Variants in BAHD1 observed in about 807,000 individuals in gnomAD.
The protein encoded by BAHD1 is bromo adjacent homology domain-containing 1 protein.
BAHD1 carries 20 observed loss-of-function variants against 63.1 expected under a neutral mutation model. The ratio of observed to expected loss-of-function variants is 0.32; its 90% confidence interval spans 0.22 to 0.46. The LOEUF (loss-of-function observed/expected upper bound fraction) is 0.46, where lower values mean the gene tolerates loss of function less well. BAHD1 is among the 20% of genes least tolerant of loss of function. The pLI, the probability that BAHD1 is intolerant of heterozygous loss-of-function variation, is 1.00. For synonymous variants in BAHD1, 408 were observed against 426.8 expected, an observed-to-expected ratio of 0.96 and a Z score of 0.54; for missense variants, 939 against 1,071.8, an observed-to-expected ratio of 0.88 and a Z score of 1.73.
chr15:40,465,444 T>G lies in BAHD1; in HGVS notation c.2153+9T>G. ...TTTGCCGAGTACTGCAGGTAGGTGG[T>G]TCCCTGCACCCTCTGGCTGGCCTCT... On this transcript the variant is annotated intron_variant, in intron 6 of 6. Transcript: ENST00000416165. 6.2e-7 allele frequency: 1 copy of G among 1,606,122 alleles called. No individual in the cohort carries two copies. Among genetic ancestry groups the G allele is most frequent in the Non-Finnish European group, 8.5e-7 (1 of 1,172,788 alleles).
intron 1 of BAHD1, among the ~76,000 whole-genome samples, chr15:40,443,859 C>T (rs1360313115): frequency 6.6e-6 from 1 of 152,106 alleles, no homozygotes; most frequent in African/African-American, 2.4e-5. Flanking sequence ...AGACAGTGTC[C>T]CCTCCAGCTC....
At chr15:40,464,351 G>T in intron 4 of BAHD1, 120 bp from the exon 5 acceptor site, 1 of 849,174 alleles carries the variant, frequency 1.2e-6, no homozygotes, top group Non-Finnish European at 1.9e-6. Context: ...GGGGACATGG[G>T]TTGCCGGAGC....
chr15:40,440,617 G>A (rs1471145370), upstream of BAHD1, among the ~76,000 whole-genome samples: 1 of 152,046 alleles, frequency 6.6e-6, no homozygotes, highest in Non-Finnish European at 1.5e-5. Flanking sequence ...GTCACCGTGG[G>A]ATACGGGCTC....
intron 1 of BAHD1, among the ~76,000 whole-genome samples, chr15:40,457,781 G>A (rs1029043612): frequency 6.6e-6 from 1 of 152,186 alleles, no homozygotes; most frequent in Non-Finnish European, 1.5e-5. Flanking sequence ...AGGCCGAGGC[G>A]GGCAGATCAC....
In BAHD1 at chr15:40,459,703, G is replaced by C; in HGVS notation, c.1239G>C (p.Glu413Asp). The C allele has an allele frequency of 6.2e-7, 1 of 1,614,018 alleles. No homozygotes were observed. Among genetic ancestry groups the C allele is most frequent in the South Asian group, 1.1e-5 (1 of 91,074 alleles). Residue 413 changes from glutamate to aspartate, a missense_variant, in exon 2 of 7, where the codon GAG (glutamate) becomes GAC (aspartate). Around this residue, in one of 5 missense-constraint regions of BAHD1, gnomAD observed 797 missense variants for 813.3 expected, o/e 0.98. Coordinates refer to ENST00000416165, the MANE Select transcript of BAHD1 (RefSeq NM_014952.5). ...CCCCAGTGGCTGCACCTCACGAGGA[G>C]GGGCTCCTCTTAGCTCCGAGCTCAG... ...KLSPVAAPHE[E>D]GLLLAPSSVP... is the part of the protein sequence containing the mutation.
chr15:40,462,650 G>A (rs184997082), intron 3 of BAHD1, among the ~76,000 whole-genome samples: 1 of 152,234 alleles, frequency 6.6e-6, no homozygotes, highest in African/African-American at 2.4e-5. Context: ...GTCTATATAG[G>A]GGGCGTTGGA....
intron 1 of BAHD1, among the ~76,000 whole-genome samples, chr15:40,448,508 G>C (rs953042302): frequency 6.6e-6 from 1 of 152,182 alleles, no homozygotes; most frequent in African/African-American, 2.4e-5. Flanking sequence ...CCTTGGTGTA[G>C]ATGCCAGGAT....
At chr15:40,447,065 T>C (rs915336801) in intron 1 of BAHD1, among the ~76,000 whole-genome samples, 1 of 152,224 alleles carries the variant, frequency 6.6e-6, no homozygotes, top group African/African-American at 2.4e-5. Flanking sequence ...ATTACTGTTT[T>C]TTAGAGGACC....
chr15:40,461,951 C>A lies in BAHD1; in HGVS notation c.1472C>A (p.Pro491Gln), dbSNP rs763985087. The change falls in exon 3 of 7, where the codon CCG becomes CAG. Residue 491 changes from proline to glutamine, a missense_variant. By Grantham distance (76) the Pro-to-Gln change is moderately conservative. Coordinates refer to ENST00000416165, the MANE Select transcript of BAHD1 (RefSeq NM_014952.5). Reference protein sequence around the residue: ...RSLGQLEFPLPEAGHPASPAH... With the variant: ...RSLGQLEFPLQEAGHPASPAH... ...CTGGGCCAGTTGGAATTTCCTCTCC[C>A]GGAAGCTGGCCACCCAGCCTCACCC... The A allele has an allele frequency of 6.2e-7, 1 of 1,609,586 alleles. No homozygotes were observed. The highest frequency in any genetic ancestry group is 1.7e-5 in the Admixed American group (1 of 59,806).
intron 1 of BAHD1, among the ~76,000 whole-genome samples, chr15:40,448,145 G>A (rs145095957): frequency 3.4e-4 from 52 of 152,154 alleles, no homozygotes; most frequent in African/African-American, 1.3e-3. Flanking sequence ...AGGAGGCTGA[G>A]GCAGGAGAAT....
Position 40,443,603 on chromosome 15 carries a change from G to A in BAHD1, c.-15+2335G>A, listed in dbSNP as rs904584620. Among the ~76,000 whole-genome samples the A allele has an allele frequency of 7.2e-5, 11 of 152,118 alleles. No individual in the cohort carries two copies. The South Asian group carries it at 8.3e-4, about 11-fold the overall frequency. Reference sequence around the variant, plus strand: ...TCTGGTGTTAAGGAGGGTTTGCTCCGGAGAGTTTAGCCAGTGATTAGGTTC... The same window carrying A: ...TCTGGTGTTAAGGAGGGTTTGCTCCAGAGAGTTTAGCCAGTGATTAGGTTC... On this transcript the variant is annotated intron_variant, in intron 1 of 6. Transcript: ENST00000416165.
At chr15:40,441,727 C>T (rs1420322320) in intron 1 of BAHD1, among the ~76,000 whole-genome samples, 4 of 149,554 alleles carry the variant, frequency 2.7e-5, no homozygotes, top group Non-Finnish European at 6.0e-5. Context: ...CCCCGCCGCG[C>T]CCCCTCCCCC....
In BAHD1 at chr15:40,466,255, TG is replaced by T. The variant is rs199708769; in HGVS notation, c.*132del. 87 of 356,740 alleles carry T rather than the reference TG, an allele frequency of 2.4e-4. No homozygotes were observed. Among genetic ancestry groups the T allele is most frequent in the East Asian group, 8.0e-4 (11 of 13,830 alleles). The allele number at this position is 356,740 out of a possible 1,614,324, so 22.1% of individuals were successfully genotyped here. On this transcript the variant is annotated 3_prime_UTR_variant, in exon 7 of 7. Transcript: ENST00000416165. ...TAAGTTTGCTGGCCTGTGGTTTTCT[TG>T]GGGGGGAGGGCAGGGGCCCCTGTGG...
intron 1 of BAHD1, among the ~76,000 whole-genome samples, chr15:40,446,303 G>A (rs774724309): frequency 6.6e-6 from 1 of 152,212 alleles, no homozygotes; most frequent in Non-Finnish European, 1.5e-5. Flanking sequence ...AGGGCCAGAC[G>A]GCCTGACAAG....
Position 40,461,994 on chromosome 15 carries a change from G to T in BAHD1, c.1515G>T (p.Gly505=), listed in dbSNP as rs1894058501. Residue 505 remains glycine (G), a synonymous_variant, in exon 3 of 7, where the codon GGG becomes GGT. Coordinates refer to ENST00000416165, the MANE Select transcript of BAHD1 (RefSeq NM_014952.5). ...HPASPAHPLL[G]CPVPSVPPAA... ...CCTCACCCGCCCACCCACTCCTGGG[G>T]TGCCCTGTACCCAGTGTGCCACCTG... is the stretch of plus-strand genomic sequence containing the variant. 3 of 1,613,602 alleles carry T rather than the reference G, an allele frequency of 1.9e-6. No homozygotes were observed. Among genetic ancestry groups the T allele is most frequent in the Admixed American group, 1.7e-5 (1 of 59,990 alleles).
rs1038690285 is a variant in BAHD1 at position 40,459,332 on chromosome 15, G to A, written c.868G>A (p.Gly290Arg). 14 of 1,612,954 alleles carry A rather than the reference G, an allele frequency of 8.7e-6. No individual in the cohort carries two copies. The highest frequency in any genetic ancestry group is 6.7e-5 in the Admixed American group (4 of 59,990). Residue 290 changes from glycine (G) to arginine (R), a missense_variant, in exon 2 of 7, where the codon GGG becomes AGG. By Grantham distance (125) the Gly-to-Arg change is moderately radical. Around this residue, in one of 5 missense-constraint regions of BAHD1, gnomAD observed 797 missense variants for 813.3 expected, o/e 0.98. Transcript: ENST00000416165. The part of the protein sequence containing the change: ...DEPWPSATPC[G>R]PSVQPSHQPL... ...ACCATGGCCATCTGCAACTCCTTGT[G>A]GGCCATCCGTCCAGCCATCTCATCA...
At chr15:40,448,115 G>A (rs1290736304) in intron 1 of BAHD1, among the ~76,000 whole-genome samples, 2 of 151,880 alleles carry the variant, frequency 1.3e-5, no homozygotes, top group South Asian at 2.1e-4. Context: ...GGTGGTATGC[G>A]CCTGTAGTCC....
intron 1 of BAHD1, among the ~76,000 whole-genome samples, chr15:40,448,018 C>G (rs1034752942): frequency 1.3e-5 from 2 of 151,988 alleles, no homozygotes; most frequent in Non-Finnish European, 2.9e-5. Flanking sequence ...GGGAGGCAGG[C>G]GGATCACGAG....
In BAHD1 at chr15:40,466,187, C is replaced by T. The variant is rs1894200623; in HGVS notation, c.*57C>T. The T allele has an allele frequency of 2.6e-6, 4 of 1,543,990 alleles. No individual in the cohort carries two copies. Among genetic ancestry groups the T allele is most frequent in the Admixed American group, 1.8e-5 (1 of 54,464 alleles). On this transcript the variant is annotated 3_prime_UTR_variant, in exon 7 of 7. Transcript: ENST00000416165. ...GGCAAGTGGGGCTCGGGGTAGGGGG[C>T]ACTGCTTGAAGCACAGCACTTGGTT...
Sources: allele counts gnomAD v4.1 joint callset (sites outside exome capture counted in the v4.1 genomes callset), GRCh38; gene constraint gnomAD v4.1.1; regional missense constraint gnomAD v4.1.1; transcripts MANE v1.5; gene names NCBI Gene and HGNC (gene_info 2026-07-23, HGNC 2026-07-21).